DTNB: variants seen among roughly 807,000 people sequenced by gnomAD.
The protein encoded by DTNB is dystrobrevin beta.
In DTNB, 63 loss-of-function variants were observed where a neutral mutation model predicts 90.7. The ratio of observed to expected loss-of-function variants is 0.69; its 90% CI spans 0.57 to 0.86. DTNB has a LOEUF of 0.86. DTNB is among the 40% of genes least tolerant of loss of function. The pLI is 0.00. For missense variants in DTNB, 744 were observed against 807.1 expected, an observed-to-expected ratio of 0.92 and a Z score of 0.95; for synonymous variants, 277 against 286.7, an observed-to-expected ratio of 0.97 and a Z score of 0.34.
chr2:25,512,367 A>T (rs190449763), intron 9 of DTNB, among the ~76,000 whole-genome samples: 1 of 152,348 alleles, frequency 6.6e-6, no homozygotes, highest in East Asian at 1.9e-4. Context: ...ACCTAATTCA[A>T]CTAGAATTTA....
chr2:25,485,112 G>C (rs1489038536), intron 9 of DTNB, among the ~76,000 whole-genome samples: 1 of 152,130 alleles, frequency 6.6e-6, no homozygotes, highest in Non-Finnish European at 1.5e-5. Flanking sequence ...TCCAAAAGAA[G>C]ATAAAGACAT....
At chr2:25,631,787 CAATT>C (rs1435836278) in intron 3 of DTNB, among the ~76,000 whole-genome samples, 4 of 152,038 alleles carry the variant, frequency 2.6e-5, no homozygotes, top group African/African-American at 7.2e-5. Flanking sequence ...CAGATACAGA[CAATT>C]AAACTTCACA....
intron 10 of DTNB, among the ~76,000 whole-genome samples, chr2:25,456,559 G>GT (rs1321710720): frequency 3.0e-4 from 45 of 151,030 alleles, no homozygotes; most frequent in South Asian, 1.3e-3. Context: ...ACATTTCTGG[G>GT]TTTTTTTTTG....
At chr2:25,467,515 A>T (rs937163024) in intron 10 of DTNB, among the ~76,000 whole-genome samples, 1 of 151,888 alleles carries the variant, frequency 6.6e-6, no homozygotes, top group Admixed American at 6.6e-5. Flanking sequence ...TGTTGCCCAT[A>T]CTGGTCTTGA....
intron 6 of DTNB, among the ~76,000 whole-genome samples, chr2:25,581,545 C>T (rs1435725231): frequency 6.6e-6 from 1 of 152,184 alleles, no homozygotes; most frequent in Non-Finnish European, 1.5e-5. Flanking sequence ...CTTTATTTCT[C>T]TTTTTAACAA....
At chr2:25,629,114 A>G (rs2075118825) in intron 3 of DTNB, among the ~76,000 whole-genome samples, 1 of 152,236 alleles carries the variant, frequency 6.6e-6, no homozygotes, top group African/African-American at 2.4e-5. Flanking sequence ...TCCTTGAAAG[A>G]AAAATAATTA....
chr2:25,386,399 C>A (rs2039479619), intron 18 of DTNB, among the ~76,000 whole-genome samples: 1 of 152,164 alleles, frequency 6.6e-6, no homozygotes, highest in East Asian at 1.9e-4. Flanking sequence ...ATTTAATAAT[C>A]CTGTTAAGCT....
At chr2:25,542,078 T>C (rs980319567) in intron 8 of DTNB, among the ~76,000 whole-genome samples, 5 of 152,310 alleles carry the variant, frequency 3.3e-5, no homozygotes, top group Non-Finnish European at 7.3e-5. Flanking sequence ...AAGGTTTTTG[T>C]TGTTGTTCTG....
intron 6 of DTNB, among the ~76,000 whole-genome samples, chr2:25,581,367 T>C (rs1013309424): frequency 1.3e-5 from 2 of 152,048 alleles, no homozygotes; most frequent in Non-Finnish European, 2.9e-5. Flanking sequence ...ATTTAACAAC[T>C]TTCTCATTGA....
chr2:25,653,417 T>C (rs1461582443), intron 1 of DTNB, among the ~76,000 whole-genome samples: 1 of 148,628 alleles, frequency 6.7e-6, no homozygotes. Flanking sequence ...TAAGTCCAAT[T>C]AAACGTTTTT....
At chr2:25,568,529 T>C (rs1200356092) in intron 8 of DTNB, among the ~76,000 whole-genome samples, 1 of 152,160 alleles carries the variant, frequency 6.6e-6, no homozygotes, top group Non-Finnish European at 1.5e-5. Flanking sequence ...TAAAAAAAAC[T>C]AACCTATTTA....
rs775470187 is a variant in DTNB at position 25,576,972 on chromosome 2, A to G, written c.742T>C (p.Cys248Arg). ...FHPVECSYCR[C>R]ESMMGFRYRC... is the part of the protein sequence containing the mutation. ...TACCGGAAACCCATCATACTCTCAC[A>G]TCGGCAGTAGGAGCACTCCACGGGA... Residue 248 changes from cysteine to arginine, a missense_variant, in exon 8 of 21, where the codon TGT (cysteine) becomes CGT (arginine). Cys to Arg is a radical substitution (Grantham distance 180). Coordinates refer to ENST00000406818, the MANE Select transcript of DTNB (RefSeq NM_021907.5). The G allele has an allele frequency of 5.0e-6, 8 of 1,610,888 alleles. No homozygotes were observed. In the South Asian group the frequency reaches 8.9e-5, roughly 18 times the overall value.
chr2:25,520,366 C>T (rs1384686762), intron 9 of DTNB, among the ~76,000 whole-genome samples: 5 of 152,114 alleles, frequency 3.3e-5, no homozygotes, highest in African/African-American at 1.2e-4. Flanking sequence ...AGCAAGACTC[C>T]GTCTCAAACA....
At chr2:25,422,025 A>C (rs1215652184) in intron 15 of DTNB, among the ~76,000 whole-genome samples, 5 of 152,238 alleles carry the variant, frequency 3.3e-5, no homozygotes, top group Non-Finnish European at 5.9e-5. Flanking sequence ...AAACTTATTC[A>C]GATAAAGCCC....
chr2:25,650,055 T>C (rs2080524148), intron 2 of DTNB: 2 of 985,296 alleles, frequency 2.0e-6, no homozygotes, highest in South Asian at 4.7e-5. Flanking sequence ...TATCCTTAAG[T>C]CAGAGGATGA....
intron 6 of DTNB, among the ~76,000 whole-genome samples, chr2:25,593,568 T>C (rs891877763): frequency 6.6e-6 from 1 of 152,236 alleles, no homozygotes; most frequent in Non-Finnish European, 1.5e-5. Flanking sequence ...ATTTGACATA[T>C]ACAAAAATGC....
chr2:25,480,534 G>A (rs1278181385), intron 10 of DTNB, among the ~76,000 whole-genome samples: 1 of 152,154 alleles, frequency 6.6e-6, no homozygotes, highest in Non-Finnish European at 1.5e-5. Context: ...CTACAGAGGT[G>A]GCTATGATTA....
At chr2:25,381,206 TGCGTGTGTGTGC>T (rs1376462180) in intron 19 of DTNB, among the ~76,000 whole-genome samples, 8 of 151,808 alleles carry the variant, frequency 5.3e-5, no homozygotes, top group Non-Finnish European at 8.8e-5. Flanking sequence ...CATGTGCGTG[TGCGTGTGTGTGC>T]GCGTGTTTGC....
At position 25,387,141 on chromosome 2, in the gene DTNB, C is replaced by A. The variant is rs182805307; in HGVS notation, c.1825+148G>T. The A allele has an allele frequency of 9.0e-6, 6 of 668,434 alleles. No homozygotes were observed. Among genetic ancestry groups the A allele is most frequent in the African/African-American group, 8.9e-5 (5 of 55,934 alleles). 41.4% of individuals were successfully genotyped at this position (668,434 alleles called of 1,614,324 possible). A position where few individuals can be genotyped will look rare whatever the true frequency, so the allele number is the denominator to read the frequency against. On this transcript the variant is annotated intron_variant, in intron 18 of 20. Transcript: ENST00000406818. This position sits in a 1 kb window ranked among gnomAD's most constrained non-coding sequence, Gnocchi z 4.5. ...ACAGAGGCTCTCTGGGTGGAGACAT[C>A]CAGTGTGTTCCTAGAAGGCAAAGTT...
Sources: allele counts gnomAD v4.1 joint callset (sites outside exome capture counted in the v4.1 genomes callset), GRCh38; gene constraint gnomAD v4.1.1; non-coding constraint Gnocchi (gnomAD v3.1); transcripts MANE v1.5; gene names NCBI Gene and HGNC (gene_info 2026-07-23, HGNC 2026-07-21).